The following WDR20 variants were observed in gnomAD, a reference collection of about 807,000 sequenced individuals.
WDR20 encodes WD repeat domain 20, also known as WD repeat-containing protein 20.
Under a neutral mutation model 38.7 loss-of-function variants are expected in WDR20, and 3 were observed. The observed-to-expected ratio is 0.08, with a 90% confidence interval of 0.04 to 0.20. The LOEUF (loss-of-function observed/expected upper bound fraction) is 0.20, where lower values mean the gene tolerates loss of function less well. WDR20 is among the 10% of genes least tolerant of loss of function. The pLI, the probability that WDR20 is intolerant of heterozygous loss-of-function variation, is 1.00. For missense variants in WDR20, 559 were observed against 727.7 expected (o/e 0.77, Z 2.67); for synonymous variants, 298 against 285.6 (o/e 1.04, Z -0.44).
intron 1 of WDR20, 61 bp downstream of exon 1, chr14:102,140,233 G>C (rs1164549991): frequency 5.7e-6 from 9 of 1,592,580 alleles, no homozygotes; most frequent in Non-Finnish European, 7.7e-6. Flanking sequence ...GGAGCAGGGC[G>C]GTGACAGTGG....
Position 102,222,973 on chromosome 14 carries a change from C to A in WDR20, c.*90C>A. ...CCGAGCTGCGCCTGAGCCGTGCCAGCCGGCGGACCTCAGGCGGTGGACGTC... is the reference window on the plus strand; with the variant it reads ...CCGAGCTGCGCCTGAGCCGTGCCAGACGGCGGACCTCAGGCGGTGGACGTC... On this transcript the variant is annotated 3_prime_UTR_variant, in exon 4 of 4. Coordinates refer to the WDR20 transcript ENST00000335263. This position sits in a 1 kb window ranked among gnomAD's most constrained non-coding sequence, Gnocchi z 4.4. 1 of 1,527,970 alleles carries A rather than the reference C, an allele frequency of 6.5e-7. No individual in the cohort carries two copies. Among genetic ancestry groups the A allele is most frequent in the African/African-American group, 1.4e-5 (1 of 73,286 alleles). The allele number at this position is 1,527,970 out of a possible 1,614,324, so 94.7% of individuals were successfully genotyped here.
chr14:102,193,135 G>GT (rs537637936), intron 1 of WDR20, among the ~76,000 whole-genome samples: 7,504 of 136,982 alleles, frequency 0.055, 236 homozygotes, highest in Non-Finnish European at 0.072. Context: ...TTTTTTTTTT[G>GT]TTTTTTTTTT....
intron 1 of WDR20, among the ~76,000 whole-genome samples, chr14:102,150,501 G>A (rs897948747): frequency 2.0e-5 from 3 of 152,068 alleles, no homozygotes; most frequent in Admixed American, 1.3e-4. Flanking sequence ...CAGTAAGAGG[G>A]AATATTTTAA....
chr14:102,157,553 C>T (rs2057711935), intron 1 of WDR20, among the ~76,000 whole-genome samples: 2 of 152,180 alleles, frequency 1.3e-5, no homozygotes, highest in South Asian at 2.1e-4. Flanking sequence ...ACAAGAACCA[C>T]TCCACAAGGT....
chr14:102,153,266 C>T (rs2056522623), intron 1 of WDR20, among the ~76,000 whole-genome samples: 1 of 151,810 alleles, frequency 6.6e-6, no homozygotes, highest in Admixed American at 6.6e-5. Flanking sequence ...CACTATGCTT[C>T]CTGTAGAGGT....
At chr14:102,212,434 C>A, downstream of WDR20, 1 of 1,437,316 alleles carries the variant, frequency 7.0e-7, no homozygotes, top group Non-Finnish European at 9.4e-7. Context: ...TGACCCCTGG[C>A]TCAGCCCAGG....
intron 1 of WDR20, chr14:102,191,191 C>G (rs543623106): frequency 5.9e-5 from 9 of 152,158 alleles, no homozygotes; most frequent in Non-Finnish European, 1.3e-4. Flanking sequence ...GAAACTTGCA[C>G]TTTGCCCAAG....
chr14:102,141,542 G>A (rs1029565801), intron 1 of WDR20, among the ~76,000 whole-genome samples: 2 of 152,054 alleles, frequency 1.3e-5, no homozygotes, highest in Non-Finnish European at 2.9e-5. Context: ...TTCAGTCTAG[G>A]GGCTGAAGTT....
chr14:102,163,398 C>T (rs1221432324), intron 1 of WDR20, among the ~76,000 whole-genome samples: 3 of 152,004 alleles, frequency 2.0e-5, no homozygotes, highest in Non-Finnish European at 2.9e-5. Context: ...GAGGCCGAGG[C>T]GGGCGGATCA....
chr14:102,212,208 C>T (rs59556209), downstream of WDR20, among the ~76,000 whole-genome samples: 688 of 152,328 alleles, frequency 4.5e-3, 7 homozygotes, highest in African/African-American at 0.016. Context: ...GTTTTAAACA[C>T]TATGATATTG....
intron 2 of WDR20, among the ~76,000 whole-genome samples, chr14:102,206,483 C>T (rs994760777): frequency 6.6e-6 from 1 of 152,184 alleles, no homozygotes; most frequent in Non-Finnish European, 1.5e-5. Flanking sequence ...ATAAAATTTA[C>T]TCCTAACCGT....
chr14:102,172,039 C>T (rs151021132), intron 1 of WDR20, among the ~76,000 whole-genome samples: 6,459 of 150,900 alleles, frequency 0.043, 186 homozygotes, highest in Non-Finnish European at 0.06. Context: ...TTTTCCTAGG[C>T]AGAGGACCCT....
chr14:102,194,413 T>C (rs2059068783), intron 1 of WDR20, among the ~76,000 whole-genome samples: 1 of 152,182 alleles, frequency 6.6e-6, no homozygotes, highest in African/African-American at 2.4e-5. Context: ...TCCCATAGTT[T>C]CTGATTCATT....
At chr14:102,181,021 T>G (rs1410459717) in intron 1 of WDR20, among the ~76,000 whole-genome samples, 1 of 152,206 alleles carries the variant, frequency 6.6e-6, no homozygotes, top group Non-Finnish European at 1.5e-5. Context: ...CATTAGTTCA[T>G]CAGGACACAT....
chr14:102,213,788 C>T (rs1207269067), downstream of WDR20: 7 of 985,284 alleles, frequency 7.1e-6, no homozygotes, highest in Middle Eastern at 5.2e-4. Context: ...GGGAGGGAGA[C>T]GTTTTCTTTC....
chr14:102,179,223 A>G (rs1411499749), intron 1 of WDR20, among the ~76,000 whole-genome samples: 1 of 152,080 alleles, frequency 6.6e-6, no homozygotes. Context: ...TTTCTATTTA[A>G]TAATATTCAT....
chr14:102,162,784 T>C (rs1431620213), intron 1 of WDR20, among the ~76,000 whole-genome samples: 1 of 151,968 alleles, frequency 6.6e-6, no homozygotes, highest in African/African-American at 2.4e-5. Flanking sequence ...CTAATTTTTG[T>C]GTTTTTTTGT....
chr14:102,224,550 CCT>C, downstream of WDR20: 1 of 455,984 alleles, frequency 2.2e-6, no homozygotes, highest in African/African-American at 2.0e-5. Context: ...GTGTCTGAAA[CCT>C]ATTTCTCTAA....
rs2061950090 is a variant in WDR20 at position 102,208,411 on chromosome 14, T to C, written c.433-192T>C. ...GAAAGCCAGCAGCCTAACACCGATTTTAGAAAGTAATTCTAAATTACCCCA... is the reference window on the plus strand; with the variant it reads ...GAAAGCCAGCAGCCTAACACCGATTCTAGAAAGTAATTCTAAATTACCCCA... On this transcript the variant is annotated intron_variant, in intron 2 of 2. Coordinates refer to ENST00000342702, the MANE Select transcript of WDR20 (RefSeq NM_144574.4). This position sits in a 1 kb window ranked among gnomAD's most constrained non-coding sequence, Gnocchi z 5.6. 6.6e-6 allele frequency among the ~76,000 whole-genome samples: 1 copy of C among 152,226 alleles called. No homozygotes were observed. Among genetic ancestry groups the C allele is most frequent in the African/African-American group, 2.4e-5 (1 of 41,470 alleles).
Sources: allele counts gnomAD v4.1 joint callset (sites outside exome capture counted in the v4.1 genomes callset), GRCh38; gene constraint gnomAD v4.1.1; non-coding constraint Gnocchi (gnomAD v3.1); transcripts MANE v1.5; gene names NCBI Gene and HGNC (gene_info 2026-07-23, HGNC 2026-07-21).